The following MSRB3 variants were observed in gnomAD, a reference collection of about 807,000 sequenced individuals.
MSRB3 encodes the protein methionine-R-sulfoxide reductase B3.
Under a neutral mutation model 21.0 loss-of-function variants are expected in MSRB3, and 13 were observed. The ratio of observed to expected loss-of-function variants is 0.62; its 90% confidence interval spans 0.40 to 0.98. The LOEUF is 0.98. MSRB3 is among the 50% of genes least tolerant of loss of function. MSRB3 has a pLI of 0.00. For synonymous variants in MSRB3, 87 were observed against 88.6 expected (o/e 0.98, Z 0.10); for missense variants, 199 against 230.3 (o/e 0.86, Z 0.88).
intron 2 of MSRB3, among the ~76,000 whole-genome samples, chr12:65,311,905 C>T (rs1874010884): frequency 6.6e-6 from 1 of 151,878 alleles, no homozygotes; most frequent in Admixed American, 6.6e-5. Context: ...TTTTTTACGT[C>T]TTATTTTTTT....
At position 65,422,388 on chromosome 12, in the gene MSRB3, GTATATATA is replaced by G. The variant is rs59746471; in HGVS notation, c.293-31304_293-31297del. On this transcript the variant is annotated intron_variant, in intron 5 of 6. Coordinates refer to ENST00000308259, the MANE Select transcript of MSRB3 (RefSeq NM_001031679.3). ...AATTTTTAATTTTTGGGAGTACATA[GTATATATA>G]TATATATATATATATATATATATAT... Among the ~76,000 whole-genome samples the G allele has an allele frequency of 2.2e-3, 205 of 92,430 alleles. 3 individuals carry two copies. In the East Asian group the frequency reaches 0.032, roughly 15 times the overall value. The allele number at this position is 92,430 out of a possible 152,430, so 60.6% of individuals were successfully genotyped here.
intron 5 of MSRB3, among the ~76,000 whole-genome samples, chr12:65,409,165 CGTGT>C (rs1555210694): frequency 2.0e-5 from 3 of 150,902 alleles, no homozygotes; most frequent in African/African-American, 7.3e-5. Flanking sequence ...TATCTATATA[CGTGT>C]GTGTGTGTTT....
intron 5 of MSRB3, among the ~76,000 whole-genome samples, chr12:65,447,420 A>G (rs1489205979): frequency 6.6e-6 from 1 of 152,226 alleles, no homozygotes; most frequent in Non-Finnish European, 1.5e-5. Context: ...ACAACTCTCT[A>G]GTTAATATTC....
At chr12:65,357,787 T>A (rs1300210060) in intron 4 of MSRB3, among the ~76,000 whole-genome samples, 1 of 151,942 alleles carries the variant, frequency 6.6e-6, no homozygotes, top group Non-Finnish European at 1.5e-5. Flanking sequence ...GGGGTTATGG[T>A]TTTTTTGGAG....
intron 5 of MSRB3, among the ~76,000 whole-genome samples, chr12:65,413,096 C>G (rs60855744): frequency 0.033 from 4,976 of 152,246 alleles, 112 homozygotes; most frequent in Non-Finnish European, 0.05. Context: ...ATCAGTTGTT[C>G]TTAAGAAATC....
intron 5 of MSRB3, chr12:65,419,410 T>A (rs1351897297): frequency 2.7e-6 from 2 of 748,378 alleles, no homozygotes; most frequent in Non-Finnish European, 4.9e-6. Flanking sequence ...CTTGAGAGTC[T>A]CGATCTCTGT....
At chr12:65,341,168 AC>A (rs879844234) in intron 4 of MSRB3, among the ~76,000 whole-genome samples, 4 of 152,156 alleles carry the variant, frequency 2.6e-5, no homozygotes, top group Non-Finnish European at 5.9e-5. Flanking sequence ...AGTGTCCATC[AC>A]AGACGAATAG....
At chr12:65,323,898 G>A (rs1305723926) in intron 2 of MSRB3, among the ~76,000 whole-genome samples, 1 of 152,028 alleles carries the variant, frequency 6.6e-6, no homozygotes, top group Non-Finnish European at 1.5e-5. Context: ...AAATGGTGTG[G>A]CAAGATATTT....
chr12:65,279,518 G>T (rs1054591424), intron 1 of MSRB3: 1 of 152,320 alleles, frequency 6.6e-6, no homozygotes, highest in Non-Finnish European at 1.5e-5. Flanking sequence ...AGTTTGCCAG[G>T]TATCAGTTTT....
chr12:65,404,885 A>T (rs560665381), intron 5 of MSRB3, among the ~76,000 whole-genome samples: 1 of 151,902 alleles, frequency 6.6e-6, no homozygotes, highest in Non-Finnish European at 1.5e-5. Flanking sequence ...GAAATTTTGT[A>T]TACTTTGCCC....
At chr12:65,452,575 T>G (rs560494367) in intron 5 of MSRB3, among the ~76,000 whole-genome samples, 25 of 152,296 alleles carry the variant, frequency 1.6e-4, no homozygotes, top group African/African-American at 5.8e-4. Flanking sequence ...GTAGCAATTT[T>G]GAGCTCAAAT....
In MSRB3 at chr12:65,302,892, A is replaced by G. The variant is rs369489407; in HGVS notation, c.-51-5637A>G. Among the ~76,000 whole-genome samples, 19 of 152,150 alleles carry G rather than the reference A, an allele frequency of 1.2e-4. No homozygotes were observed. The East Asian group carries it at 3.7e-3, about 29-fold the overall frequency. On this transcript the variant is annotated intron_variant, in intron 1 of 6. Transcript: ENST00000308259. ...AAGATGAAAAAATAGCGACAATGAA[A>G]CTTCTCCCCCACAAAACTACATATA...
At chr12:65,389,571 G>C (rs999922291) in intron 5 of MSRB3, among the ~76,000 whole-genome samples, 5 of 152,104 alleles carry the variant, frequency 3.3e-5, no homozygotes, top group African/African-American at 1.2e-4. Flanking sequence ...TGATTTCAGT[G>C]ACCATGTGGA....
intron 4 of MSRB3, among the ~76,000 whole-genome samples, chr12:65,349,601 C>G (rs1461475408): frequency 6.8e-6 from 1 of 147,318 alleles, no homozygotes; most frequent in Non-Finnish European, 1.5e-5. Flanking sequence ...GATTGCCATT[C>G]TAACTGGTGT....
In MSRB3 at chr12:65,326,837, G is replaced by C; in HGVS notation, c.88G>C (p.Asp30His). The change falls in exon 3 of 7, where the codon GAT becomes CAT. Residue 30 changes from aspartate (D) to histidine (H), a missense_variant. Coordinates refer to ENST00000308259, the MANE Select transcript of MSRB3 (RefSeq NM_001031679.3). Reference protein sequence around the residue: ...ACGLPSGSCRDKKNCKVVFSQ... With the variant: ...ACGLPSGSCRHKKNCKVVFSQ... ...CTCTCTCTTTTCAGGGTCGTGTAGG[G>C]ATAAAAAGAACTGTAAGGTGGTCTT... 1 of 1,613,016 alleles carries C rather than the reference G, an allele frequency of 6.2e-7. No homozygotes were observed. Among genetic ancestry groups the C allele is most frequent in the Non-Finnish European group, 8.5e-7 (1 of 1,179,178 alleles).
At chr12:65,378,820 A>G (rs1878782842) in intron 5 of MSRB3, among the ~76,000 whole-genome samples, 1 of 152,208 alleles carries the variant, frequency 6.6e-6, no homozygotes, top group African/African-American at 2.4e-5. Flanking sequence ...CACATGAGTG[A>G]GAATACTTAC....
At chr12:65,448,949 C>A (rs528394242) in intron 5 of MSRB3, among the ~76,000 whole-genome samples, 17 of 152,226 alleles carry the variant, frequency 1.1e-4, no homozygotes, top group African/African-American at 4.1e-4. Context: ...TATATTGCAA[C>A]CAAATGGGTC....
At chr12:65,382,411 T>C (rs12831359) in intron 5 of MSRB3, among the ~76,000 whole-genome samples, 34,401 of 151,910 alleles carry the variant, frequency 0.23, 4,893 homozygotes, top group Non-Finnish European at 0.3. Flanking sequence ...TATTTTCCCC[T>C]GTGTTGTTAT....
chr12:65,398,219 C>T lies in MSRB3; in HGVS notation c.292+29193C>T, dbSNP rs561226114. The stretch of plus-strand genomic sequence containing the variant: ...ACAATGGTTGAACTAAATTTACACT[C>T]CTACCAACAGTGTAAAAGCATTCCT... On this transcript the variant is annotated intron_variant, in intron 5 of 6. Transcript: ENST00000308259. Among the ~76,000 whole-genome samples, 7 of 152,304 alleles carry T rather than the reference C, an allele frequency of 4.6e-5. No homozygotes were observed. The South Asian group carries it at 1.2e-3, about 27-fold the overall frequency.
Sources: allele counts gnomAD v4.1 joint callset (sites outside exome capture counted in the v4.1 genomes callset), GRCh38; gene constraint gnomAD v4.1.1; transcripts MANE v1.5; gene names NCBI Gene and HGNC (gene_info 2026-07-23, HGNC 2026-07-21).